The following PEBP4 variants were observed in gnomAD, a reference collection of about 807,000 sequenced individuals.
PEBP4 encodes the protein phosphatidylethanolamine-binding protein 4.
A neutral mutation model predicts 23.9 loss-of-function variants in PEBP4; 22 were observed. The observed-to-expected ratio is 0.92, with a 90% CI of 0.66 to 1.31. The LOEUF (loss-of-function observed/expected upper bound fraction) is 1.31. Among genes scored for constraint, PEBP4 ranks in the 40% most tolerant of loss-of-function variants. The probability of loss-of-function intolerance (pLI) is 0.00; values close to 1 mark genes in which losing one functional copy is unlikely to be tolerated. For missense variants in PEBP4, 324 were observed against 281.7 expected (o/e 1.15, Z -1.07); for synonymous variants, 112 against 99.3 (o/e 1.13, Z -0.76).
At chr8:22,738,877 A>G (rs934431679) in intron 4 of PEBP4, among the ~76,000 whole-genome samples, 1 of 152,018 alleles carries the variant, frequency 6.6e-6, no homozygotes, top group Non-Finnish European at 1.5e-5. Flanking sequence ...ACACACACTC[A>G]CATGTACTCA....
At chr8:22,803,494 A>G (rs377585480) in intron 4 of PEBP4, among the ~76,000 whole-genome samples, 7 of 152,024 alleles carry the variant, frequency 4.6e-5, no homozygotes, top group African/African-American at 1.4e-4. Context: ...GTGAAGCCCC[A>G]TCTCTACTAA....
chr8:22,769,985 G>A (rs773967624), intron 4 of PEBP4, among the ~76,000 whole-genome samples: 2 of 152,070 alleles, frequency 1.3e-5, no homozygotes, highest in African/African-American at 2.4e-5. Context: ...TGCCCTCAGG[G>A]CCCCTGACTC....
intron 4 of PEBP4, among the ~76,000 whole-genome samples, chr8:22,765,075 T>C (rs1805580027): frequency 6.6e-6 from 1 of 152,076 alleles, no homozygotes; most frequent in Non-Finnish European, 1.5e-5. Flanking sequence ...CATCGCATCG[T>C]CACCGGGTCC....
At position 22,749,910 on chromosome 8, in the gene PEBP4, G is replaced by A. The variant is rs1340735839; in HGVS notation, c.358-22690C>T. Among the ~76,000 whole-genome samples the A allele has an allele frequency of 4.7e-5, 7 of 149,414 alleles. No individual in the cohort carries two copies. The East Asian group carries it at 7.9e-4, about 17-fold the overall frequency. On this transcript the variant is annotated intron_variant, in intron 4 of 6. Coordinates refer to ENST00000256404, the MANE Select transcript of PEBP4 (RefSeq NM_144962.3). ...GAACCTCTGCCTCCTAGGTTCAAGC[G>A]ATTCTCCTGCCTCAGCCTCCTAGGT...
At chr8:22,842,656 T>TA in intron 3 of PEBP4, among the ~76,000 whole-genome samples, 1 of 151,984 alleles carries the variant, frequency 6.6e-6, no homozygotes, top group Non-Finnish European at 1.5e-5. Context: ...TGCACAGCCA[T>TA]AGGAAGGGTG....
chr8:22,820,322 T>G (rs1374812790), intron 3 of PEBP4, among the ~76,000 whole-genome samples: 1 of 152,182 alleles, frequency 6.6e-6, no homozygotes, highest in Non-Finnish European at 1.5e-5. Context: ...GTTGTGTCCT[T>G]TTTAACTGTT....
intron 3 of PEBP4, among the ~76,000 whole-genome samples, chr8:22,870,549 C>T (rs1159762788): frequency 6.6e-6 from 1 of 152,132 alleles, no homozygotes; most frequent in South Asian, 2.1e-4. Flanking sequence ...ATAGAATGTA[C>T]AACACCAAGA....
At position 22,779,069 on chromosome 8, in the gene PEBP4, C is replaced by T. The variant is rs904327411; in HGVS notation, c.357+38568G>A. Among the ~76,000 whole-genome samples the T allele has an allele frequency of 1.7e-3, 6 of 3,636 alleles. No homozygotes were observed. The East Asian group carries it at 0.024, about 14-fold the overall frequency. 2.4% of individuals were successfully genotyped at this position (3,636 alleles called of 152,430 possible). ...GGGGAGTAGGTGGTGGGAAGGTGGG[C>T]GGGGGAGGTGGGGGAGGAGGGGGAT... On this transcript the variant is annotated intron_variant, in intron 4 of 6. Transcript: ENST00000256404.
At chr8:22,728,539 CCTTCCTTTCTTT>C (rs1486018509) in intron 4 of PEBP4, among the ~76,000 whole-genome samples, 1 of 113,192 alleles carries the variant, frequency 8.8e-6, no homozygotes, top group East Asian at 2.2e-4. Flanking sequence ...CTTCTTTCTT[CCTTCCTTTCTTT>C]CTTTCTTTCT....
At chr8:22,713,631 CGA>C in intron 6 of PEBP4, 95 bp from the exon 7 acceptor site, 1 of 1,558,836 alleles carries the variant, frequency 6.4e-7, no homozygotes, top group Non-Finnish European at 8.8e-7. Context: ...TCGTGGGAGC[CGA>C]GGCAGCAGGT....
chr8:22,853,714 A>G (rs1807589017), intron 3 of PEBP4, among the ~76,000 whole-genome samples: 1 of 152,170 alleles, frequency 6.6e-6, no homozygotes, highest in African/African-American at 2.4e-5. Flanking sequence ...GGACTCTACT[A>G]TTGCCTCCTG....
intron 3 of PEBP4, among the ~76,000 whole-genome samples, chr8:22,835,445 G>A (rs569481413): frequency 6.6e-6 from 1 of 152,266 alleles, no homozygotes; most frequent in South Asian, 2.1e-4. Context: ...CATCTTTGGT[G>A]GGGCTAGAAA....
At chr8:22,878,549 A>G (rs1049376038) in intron 3 of PEBP4, among the ~76,000 whole-genome samples, 7 of 152,186 alleles carry the variant, frequency 4.6e-5, no homozygotes, top group Non-Finnish European at 8.8e-5. Context: ...CTCATATCTA[A>G]TCACAAAGCG....
chr8:22,847,055 A>G (rs1441653014), intron 3 of PEBP4, among the ~76,000 whole-genome samples: 1 of 152,192 alleles, frequency 6.6e-6, no homozygotes, highest in African/African-American at 2.4e-5. Context: ...TCCTCAAGAG[A>G]AATCACTTCC....
At chr8:22,904,717 G>C (rs1380328152) in intron 3 of PEBP4, among the ~76,000 whole-genome samples, 1 of 152,106 alleles carries the variant, frequency 6.6e-6, no homozygotes, top group Non-Finnish European at 1.5e-5. Flanking sequence ...TTGAAAACTG[G>C]AACTATTGTT....
At chr8:22,903,775 AG>A (rs1192058247) in intron 3 of PEBP4, among the ~76,000 whole-genome samples, 1 of 152,212 alleles carries the variant, frequency 6.6e-6, no homozygotes, top group Non-Finnish European at 1.5e-5. Flanking sequence ...CTCCCAGAAT[AG>A]GCATAGGAAA....
In PEBP4 at chr8:22,751,888, C is replaced by T. The variant is rs190620642; in HGVS notation, c.358-24668G>A. On this transcript the variant is annotated intron_variant, in intron 4 of 6. Transcript: ENST00000256404. Reference sequence around the variant, plus strand: ...TCATCACCAGCCACCCACTCAACCACCCTCTCTTTCTTTTTGTTTCTTTTT... The same window carrying T: ...TCATCACCAGCCACCCACTCAACCATCCTCTCTTTCTTTTTGTTTCTTTTT... 6.5e-3 allele frequency among the ~76,000 whole-genome samples: 984 copies of T among 151,876 alleles called. 12 individuals carry two copies. Among genetic ancestry groups the T allele is most frequent in the African/African-American group, 0.023 (954 of 41,280 alleles).
chr8:22,734,177 CA>C (rs1804802267), intron 4 of PEBP4, among the ~76,000 whole-genome samples: 7 of 152,198 alleles, frequency 4.6e-5, no homozygotes, highest in South Asian at 4.1e-4. Context: ...GAGCGGAAGG[CA>C]CTGACAGCTC....
At chr8:22,910,073 G>C (rs567763603) in intron 3 of PEBP4, among the ~76,000 whole-genome samples, 30 of 152,362 alleles carry the variant, frequency 2.0e-4, no homozygotes, top group Middle Eastern at 3.4e-3. Context: ...ACACCGATGG[G>C]TGCCAGGTTG....
Sources: gnomAD v4.1 joint callset for allele counts (sites outside exome capture counted in the v4.1 genomes callset) on GRCh38, gnomAD v4.1.1 for gene constraint, MANE v1.5 for transcripts, NCBI Gene and HGNC (gene_info 2026-07-23, HGNC 2026-07-21) for gene names.